The following KCTD8 variants were observed in gnomAD, a reference collection of about 807,000 sequenced individuals.
KCTD8 encodes potassium channel tetramerization domain containing 8, also known as BTB/POZ domain-containing protein KCTD8.
In KCTD8, 27 loss-of-function variants were observed where a neutral mutation model predicts 31.5. That is an observed-to-expected ratio of 0.86 (90% CI 0.63 to 1.18). KCTD8 has a LOEUF of 1.18. Among genes scored for constraint, KCTD8 ranks in the 50% most tolerant of loss-of-function variants. KCTD8 has a pLI of 0.00. For missense variants in KCTD8, 658 were observed against 647.7 expected (o/e 1.02, Z -0.17); for synonymous variants, 290 against 280.0 (o/e 1.04, Z -0.36).
intron 1 of KCTD8, among the ~76,000 whole-genome samples, chr4:44,200,853 G>T (rs191196246): frequency 9.9e-5 from 15 of 152,096 alleles, no homozygotes; most frequent in Admixed American, 7.9e-4. Context: ...AACAGGAAAA[G>T]AATTAGTTAA....
chr4:44,408,820 T>C (rs1303369579), intron 1 of KCTD8, among the ~76,000 whole-genome samples: 1 of 152,100 alleles, frequency 6.6e-6, no homozygotes, highest in Non-Finnish European at 1.5e-5. Flanking sequence ...GTTTTCACCA[T>C]GTTGGCCAAG....
chr4:44,256,241 C>G (rs1029903828), intron 1 of KCTD8, among the ~76,000 whole-genome samples: 1 of 151,856 alleles, frequency 6.6e-6, no homozygotes, highest in African/African-American at 2.4e-5. Context: ...GGGGACGCAG[C>G]CAAACCATAT....
In KCTD8 at chr4:44,231,774, C is replaced by T. The variant is rs1051402520; in HGVS notation, c.962-56524G>A. On this transcript the variant is annotated intron_variant, in intron 1 of 1. Transcript: ENST00000360029. ...TTTTCTGGAATGAGTAAATTAAAAT[C>T]TCACTGTGTCTCTCTCTCTCTCTCT... 2.0e-5 allele frequency among the ~76,000 whole-genome samples: 3 copies of T among 152,068 alleles called. No homozygotes were observed. The South Asian group carries it at 6.2e-4, about 31-fold the overall frequency.
chr4:44,214,026 A>C (rs1298662093), intron 1 of KCTD8, among the ~76,000 whole-genome samples: 1 of 152,216 alleles, frequency 6.6e-6, no homozygotes, highest in Non-Finnish European at 1.5e-5. Context: ...CTAACAATGC[A>C]ACCTTTATTC....
chr4:44,360,822 C>A (rs747055056), intron 1 of KCTD8, among the ~76,000 whole-genome samples: 5 of 151,966 alleles, frequency 3.3e-5, no homozygotes, highest in African/African-American at 4.8e-5. Context: ...AAAATGCAAT[C>A]TACAAAAGCC....
intron 1 of KCTD8, among the ~76,000 whole-genome samples, chr4:44,236,067 G>C (rs914130661): frequency 2.6e-5 from 4 of 152,140 alleles, no homozygotes. Flanking sequence ...CAGTTACCCT[G>C]ACTTGGAGAG....
At chr4:44,388,015 C>A (rs375574014) in intron 1 of KCTD8, among the ~76,000 whole-genome samples, 52 of 135,562 alleles carry the variant, frequency 3.8e-4, no homozygotes, top group East Asian at 1.1e-3. Context: ...AACAAATTTA[C>A]AAAAAAAAAA....
At chr4:44,327,635 T>C (rs1718483038) in intron 1 of KCTD8, among the ~76,000 whole-genome samples, 1 of 151,658 alleles carries the variant, frequency 6.6e-6, no homozygotes, top group Non-Finnish European at 1.5e-5. Flanking sequence ...ATTTAGATAT[T>C]TATAAAAGGT....
intron 1 of KCTD8, among the ~76,000 whole-genome samples, chr4:44,296,139 T>A (rs1485672585): frequency 6.6e-6 from 1 of 152,098 alleles, no homozygotes; most frequent in East Asian, 1.9e-4. Flanking sequence ...CAAACAGAGA[T>A]CATGAATGTA....
At chr4:44,248,085 C>T (rs1715720987) in intron 1 of KCTD8, among the ~76,000 whole-genome samples, 1 of 151,878 alleles carries the variant, frequency 6.6e-6, no homozygotes, top group East Asian at 1.9e-4. Flanking sequence ...TTCCTTTGTG[C>T]TTTCAGCATG....
chr4:44,445,292 A>C (rs1721912130), intron 1 of KCTD8, among the ~76,000 whole-genome samples: 1 of 152,158 alleles, frequency 6.6e-6, no homozygotes, highest in Non-Finnish European at 1.5e-5. Flanking sequence ...TGACAACTCC[A>C]CCTGGTTGAT....
intron 1 of KCTD8, among the ~76,000 whole-genome samples, chr4:44,385,417 T>C (rs921845035): frequency 6.6e-6 from 1 of 151,722 alleles, no homozygotes; most frequent in Non-Finnish European, 1.5e-5. Flanking sequence ...GGTAAAATGA[T>C]TTTTGACAAA....
chr4:44,359,674 C>T (rs554439809), intron 1 of KCTD8, among the ~76,000 whole-genome samples: 18 of 152,088 alleles, frequency 1.2e-4, no homozygotes, highest in Non-Finnish European at 2.2e-4. Context: ...TGAGACCTAA[C>T]TTATGCAGAG....
At chr4:44,260,708 G>A (rs1716136043) in intron 1 of KCTD8, among the ~76,000 whole-genome samples, 1 of 151,900 alleles carries the variant, frequency 6.6e-6, no homozygotes, top group Non-Finnish European at 1.5e-5. Flanking sequence ...AAGGTGGCTG[G>A]AGTTAAGTCA....
intron 1 of KCTD8, among the ~76,000 whole-genome samples, chr4:44,185,112 T>G (rs935049961): frequency 6.6e-6 from 1 of 152,242 alleles, no homozygotes; most frequent in East Asian, 1.9e-4. Context: ...AATAATTTTA[T>G]TGCCTTTCTC....
chr4:44,281,825 C>T (rs566031508), intron 1 of KCTD8, among the ~76,000 whole-genome samples: 2 of 151,916 alleles, frequency 1.3e-5, no homozygotes, highest in African/African-American at 2.4e-5. Context: ...TAATTAAAAC[C>T]AGAGGCCCTC....
intron 1 of KCTD8, among the ~76,000 whole-genome samples, chr4:44,355,605 A>G (rs1719322341): frequency 6.6e-6 from 1 of 152,184 alleles, no homozygotes; most frequent in Non-Finnish European, 1.5e-5. Flanking sequence ...TATGTTTGCC[A>G]TGAAGAAATT....
At chr4:44,334,208 G>C (rs1718659322) in intron 1 of KCTD8, among the ~76,000 whole-genome samples, 1 of 152,046 alleles carries the variant, frequency 6.6e-6, no homozygotes, top group African/African-American at 2.4e-5. Context: ...GTTGTCTGCT[G>C]TGTGCCAGGC....
At chr4:44,186,318 C>A (rs113870897) in intron 1 of KCTD8, among the ~76,000 whole-genome samples, 5 of 152,192 alleles carry the variant, frequency 3.3e-5, no homozygotes, top group African/African-American at 1.2e-4. Flanking sequence ...GCAAAAAACA[C>A]CTTTCCACTG....
Sources: gnomAD v4.1 joint callset for allele counts (sites outside exome capture counted in the v4.1 genomes callset) on GRCh38, gnomAD v4.1.1 for gene constraint, MANE v1.5 for transcripts, NCBI Gene and HGNC (gene_info 2026-07-23, HGNC 2026-07-21) for gene names.